Variants in OR9Q1 observed in about 807,000 individuals in gnomAD.
OR9Q1 encodes olfactory receptor 9Q1.
For synonymous variants in OR9Q1, 153 were observed against 148.6 expected, an observed-to-expected ratio of 1.03 and a Z score of -0.22; for missense variants, 374 against 378.8, an observed-to-expected ratio of 0.99 and a Z score of 0.11.
intron 2 of OR9Q1, among the ~76,000 whole-genome samples, chr11:58,137,943 AG>A (rs1854204531): frequency 6.6e-6 from 1 of 152,204 alleles, no homozygotes; most frequent in Admixed American, 6.5e-5. Context: ...AGCAGAAGAG[AG>A]ACCATTGTGT....
chr11:58,159,103 G>A (rs1430969160), intron 2 of OR9Q1, among the ~76,000 whole-genome samples: 3 of 152,062 alleles, frequency 2.0e-5, no homozygotes, highest in African/African-American at 4.8e-5. Context: ...ATAAAAATCA[G>A]ATGTATCAGG....
chr11:58,118,376 C>A, intron 2 of OR9Q1: 1 of 660,284 alleles, frequency 1.5e-6, no homozygotes, highest in Non-Finnish European at 2.6e-6. Flanking sequence ...TCCTGTGTGC[C>A]TGGTGGTACC....
intron 1 of OR9Q1, among the ~76,000 whole-genome samples, chr11:58,026,087 C>G (rs1852970809): frequency 6.6e-6 from 1 of 152,228 alleles, no homozygotes; most frequent in African/African-American, 2.4e-5. Context: ...CATCTCTGTT[C>G]TAACCCTTGA....
At chr11:58,151,496 G>A (rs991773461) in intron 2 of OR9Q1, among the ~76,000 whole-genome samples, 2 of 152,122 alleles carry the variant, frequency 1.3e-5, no homozygotes, top group African/African-American at 2.4e-5. Context: ...TGCAGAAGAC[G>A]GAATGACAGT....
Position 58,180,672 on chromosome 11 carries a change from T to A in OR9Q1, c.*295T>A, listed in dbSNP as rs1854657021. 8.0e-6 allele frequency: 2 copies of A among 249,040 alleles called. No individual in the cohort carries two copies. Among genetic ancestry groups the A allele is most frequent in the Admixed American group, 1.0e-4 (2 of 19,904 alleles). The allele number at this position is 249,040 out of a possible 1,614,324, so 15.4% of individuals were successfully genotyped here. A position where few individuals can be genotyped will look rare whatever the true frequency, so the allele number is the denominator to read the frequency against. ...CCTGTCTGTGATTATAAGAGTAATT[T>A]TTTTTGCAAAATTTTTAATGAAAGA... On this transcript the variant is annotated 3_prime_UTR_variant, in exon 3 of 3. Coordinates refer to ENST00000335397, the MANE Select transcript of OR9Q1 (RefSeq NM_001005212.4).
intron 1 of OR9Q1, chr11:58,044,499 T>C (rs1853197006): frequency 6.6e-6 from 1 of 152,160 alleles, no homozygotes; most frequent in Non-Finnish European, 1.5e-5. Context: ...GCAGGGGGAA[T>C]TGAGCGACAT....
chr11:58,053,270 A>G (rs1317639886), intron 1 of OR9Q1, among the ~76,000 whole-genome samples: 1 of 151,896 alleles, frequency 6.6e-6, no homozygotes, highest in African/African-American at 2.4e-5. Flanking sequence ...ATGTAGCCAT[A>G]AAAAATGATG....
chr11:58,109,508 C>A (rs1380808650), intron 2 of OR9Q1: 7 of 460,898 alleles, frequency 1.5e-5, no homozygotes, highest in South Asian at 1.1e-4. Context: ...AGTTGGGCAT[C>A]CACTTGGATT....
At chr11:58,054,707 G>C (rs1853310283) in intron 1 of OR9Q1, among the ~76,000 whole-genome samples, 2 of 13,918 alleles carry the variant, frequency 1.4e-4, no homozygotes, top group Non-Finnish European at 5.5e-4. Context: ...CGGATCACTT[G>C]AGGTCAGAAG....
At chr11:58,175,283 G>A (rs1252348741) in intron 2 of OR9Q1, among the ~76,000 whole-genome samples, 1 of 151,896 alleles carries the variant, frequency 6.6e-6, no homozygotes, top group Non-Finnish European at 1.5e-5. Context: ...AGATGGTAGC[G>A]GACAGTCTCA....
chr11:58,072,836 T>C lies in OR9Q1; in HGVS notation c.-15+16889T>C, dbSNP rs117128288. ...AGATGCTTTAATACCATATGGAGGA[T>C]CAGTGATTACTGCATTAAAATATGT... On this transcript the variant is annotated intron_variant, in intron 2 of 2. Transcript: ENST00000335397. 4.1e-3 allele frequency: 634 copies of C among 153,696 alleles called. 18 individuals are homozygous for C. The East Asian group carries it at 0.076, about 18-fold the overall frequency. 9.5% of individuals were successfully genotyped at this position (153,696 alleles called of 1,614,324 possible). A position where few individuals can be genotyped will look rare whatever the true frequency, so the allele number is the denominator to read the frequency against.
rs139423055 is a variant in OR9Q1, at chr11:58,137,694, A to T, written c.-14-41737A>T. On this transcript the variant is annotated intron_variant, in intron 2 of 2. Coordinates refer to ENST00000335397, the MANE Select transcript of OR9Q1 (RefSeq NM_001005212.4). The stretch of plus-strand genomic sequence containing the variant: ...ATGACCCTGGAGCCTGACAGACCAC[A>T]GTTCAAATCCCTGCCTAGGAATTTA... Among the ~76,000 whole-genome samples, 17 of 152,284 alleles carry T rather than the reference A, an allele frequency of 1.1e-4. No individual in the cohort carries two copies. In the East Asian group the frequency reaches 2.9e-3, roughly 26 times the overall value.
At chr11:58,170,650 A>G (rs1051158348) in intron 2 of OR9Q1, among the ~76,000 whole-genome samples, 1 of 152,100 alleles carries the variant, frequency 6.6e-6, no homozygotes, top group African/African-American at 2.4e-5. Context: ...TGGTTCCCCC[A>G]TACTGTTCTC....
intron 1 of OR9Q1, among the ~76,000 whole-genome samples, chr11:58,029,641 A>T (rs1853010066): frequency 6.6e-6 from 1 of 152,168 alleles, no homozygotes; most frequent in Non-Finnish European, 1.5e-5. Flanking sequence ...AAATGGGATT[A>T]TTTAGTGATT....
intron 2 of OR9Q1, chr11:58,057,958 G>C (rs1425779851): frequency 6.6e-5 from 10 of 152,174 alleles, no homozygotes; most frequent in African/African-American, 2.4e-4. Flanking sequence ...CTGAAGCTCA[G>C]GAAAGGTAAG....
chr11:58,134,692 C>T (rs184602984), intron 2 of OR9Q1, among the ~76,000 whole-genome samples: 4 of 152,212 alleles, frequency 2.6e-5, no homozygotes, highest in East Asian at 3.9e-4. Flanking sequence ...TCCAACTTTT[C>T]GTGTCTTTCT....
At chr11:58,131,517 CATT>C (rs1482127507) in intron 2 of OR9Q1, among the ~76,000 whole-genome samples, 2 of 151,778 alleles carry the variant, frequency 1.3e-5, no homozygotes, top group African/African-American at 4.8e-5. Context: ...ATATTTATAA[CATT>C]ATATAACAAT....
chr11:58,070,535 G>T (rs1177491037), intron 2 of OR9Q1, among the ~76,000 whole-genome samples: 2 of 152,164 alleles, frequency 1.3e-5, no homozygotes. Flanking sequence ...CTGGTCTCAT[G>T]TGGTTGGTTT....
chr11:58,071,480 T>TA (rs138831478), intron 2 of OR9Q1, among the ~76,000 whole-genome samples: 57 of 148,248 alleles, frequency 3.8e-4, no homozygotes, highest in African/African-American at 8.6e-4. Flanking sequence ...GACAGAGCAT[T>TA]AAAAAAAAAA....
Sources: allele counts gnomAD v4.1 joint callset (sites outside exome capture counted in the v4.1 genomes callset), GRCh38; gene constraint gnomAD v4.1.1; transcripts MANE v1.5; gene names NCBI Gene and HGNC (gene_info 2026-07-23, HGNC 2026-07-21).